The following OR9Q1 variants were observed in gnomAD, a reference collection of about 807,000 sequenced individuals.
OR9Q1 encodes olfactory receptor 9Q1.
For missense variants in OR9Q1, 374 were observed against 378.8 expected (o/e 0.99, Z 0.11); for synonymous variants, 153 against 148.6 (o/e 1.03, Z -0.22).
intron 2 of OR9Q1, among the ~76,000 whole-genome samples, chr11:58,084,350 T>C (rs1853615544): frequency 6.6e-6 from 1 of 151,912 alleles, no homozygotes. Context: ...TTAGCATTTG[T>C]ACATCTTTAG....
intron 2 of OR9Q1, among the ~76,000 whole-genome samples, chr11:58,056,658 G>A (rs767479846): frequency 7.9e-5 from 12 of 152,178 alleles, no homozygotes; most frequent in Non-Finnish European, 1.3e-4. Flanking sequence ...GATAGAGGCT[G>A]CATGGTTTGA....
intron 2 of OR9Q1, among the ~76,000 whole-genome samples, chr11:58,155,336 G>A (rs1381371264): frequency 1.3e-5 from 2 of 151,834 alleles, no homozygotes; most frequent in Non-Finnish European, 2.9e-5. Context: ...AAAATACCTT[G>A]ACGGCAATAC....
At chr11:58,043,203 C>T (rs551359078) in intron 1 of OR9Q1, among the ~76,000 whole-genome samples, 4 of 152,246 alleles carry the variant, frequency 2.6e-5, no homozygotes, top group Middle Eastern at 6.8e-3. Flanking sequence ...TTTGTGTCAT[C>T]CTCTCTTCAG....
At chr11:58,088,130 C>G (rs112062497) in intron 2 of OR9Q1, among the ~76,000 whole-genome samples, 1 of 151,722 alleles carries the variant, frequency 6.6e-6, no homozygotes, top group African/African-American at 2.4e-5. Flanking sequence ...CATGAGCCAC[C>G]GCACCCGGCC....
intron 2 of OR9Q1, among the ~76,000 whole-genome samples, chr11:58,061,548 G>C (rs1177316367): frequency 6.6e-6 from 1 of 152,232 alleles, no homozygotes; most frequent in Non-Finnish European, 1.5e-5. Context: ...GCGTTTGTAA[G>C]ATCCAGGTTT....
intron 2 of OR9Q1, among the ~76,000 whole-genome samples, chr11:58,075,977 C>A (rs1853535382): frequency 6.6e-6 from 1 of 152,202 alleles, no homozygotes; most frequent in South Asian, 2.1e-4. Context: ...ATCTAGCCTG[C>A]TGCCTGTTAT....
rs529952590 is a variant in OR9Q1, at chr11:58,089,046, T to A, written c.-15+33099T>A. Among the ~76,000 whole-genome samples, 132 of 151,782 alleles carry A rather than the reference T, an allele frequency of 8.7e-4. 1 individual carries two copies. In the South Asian group the frequency reaches 0.026, roughly 30 times the overall value. On this transcript the variant is annotated intron_variant, in intron 2 of 2. Coordinates refer to ENST00000335397, the MANE Select transcript of OR9Q1 (RefSeq NM_001005212.4). ...TGCCCGTCACCAGGCCCAGCTAATT[T>A]TTTTTATTTTTAGTAGAGATGGGGT...
In OR9Q1 at chr11:58,179,600, T is replaced by A; in HGVS notation, c.156T>A (p.Asp52Glu). ...AGATGATTATTCTGATCCTCATGGATCACCAGCTCCACGCTCCAATGTATT... is the reference window on the plus strand; with the variant it reads ...AGATGATTATTCTGATCCTCATGGAACACCAGCTCCACGCTCCAATGTATT... ...NLEMIILILM[D>E]HQLHAPMYFL... Residue 52 changes from aspartate (D) to glutamate (E), a missense_variant, in exon 3 of 3, where the codon GAT becomes GAA. Physicochemically the swap from Asp to Glu is conservative, Grantham distance 45. Transcript: ENST00000335397. 6.2e-7 allele frequency: 1 copy of A among 1,613,630 alleles called. No homozygotes were observed. The highest frequency in any genetic ancestry group is 8.5e-7 in the Non-Finnish European group (1 of 1,179,710).
intron 1 of OR9Q1, among the ~76,000 whole-genome samples, chr11:58,024,801 C>G (rs956471672): frequency 6.6e-6 from 1 of 152,156 alleles, no homozygotes; most frequent in African/African-American, 2.4e-5. Context: ...CTCACTGGAG[C>G]CTGTGGGATA....
chr11:58,047,864 CAGAG>C (rs1390388305), intron 1 of OR9Q1, among the ~76,000 whole-genome samples: 3 of 152,162 alleles, frequency 2.0e-5, no homozygotes, highest in Non-Finnish European at 4.4e-5. Context: ...AGCCTGGTGA[CAGAG>C]AGAGACTCCG....
At chr11:58,071,638 A>T (rs1853488861) in intron 2 of OR9Q1, among the ~76,000 whole-genome samples, 1 of 152,212 alleles carries the variant, frequency 6.6e-6, no homozygotes, top group South Asian at 2.1e-4. Context: ...GAAATGACCA[A>T]GGGCTGTGGA....
intron 2 of OR9Q1, among the ~76,000 whole-genome samples, chr11:58,075,079 G>T (rs1397607754): frequency 6.6e-6 from 1 of 152,064 alleles, no homozygotes; most frequent in African/African-American, 2.4e-5. Flanking sequence ...AGATTGTCTT[G>T]GCTCTACGGG....
intron 2 of OR9Q1, among the ~76,000 whole-genome samples, chr11:58,100,086 A>C (rs1044258039): frequency 3.9e-5 from 6 of 152,204 alleles, no homozygotes; most frequent in Non-Finnish European, 8.8e-5. Flanking sequence ...TGGCTCTCCC[A>C]CGCCAGGTAG....
At chr11:58,094,572 G>A (rs904464133) in intron 2 of OR9Q1, among the ~76,000 whole-genome samples, 3 of 152,024 alleles carry the variant, frequency 2.0e-5, no homozygotes, top group African/African-American at 7.3e-5. Flanking sequence ...ACTTTACTTT[G>A]AATTGAATGC....
intron 2 of OR9Q1, among the ~76,000 whole-genome samples, chr11:58,091,214 T>C (rs1250089085): frequency 1.3e-5 from 2 of 152,222 alleles, no homozygotes; most frequent in East Asian, 1.9e-4. Flanking sequence ...CTTGCTTCTC[T>C]AGTTCTTTTA....
rs774682083 is a variant in OR9Q1 at position 58,158,877 on chromosome 11, T to A, written c.-14-20554T>A. 5.9e-5 allele frequency among the ~76,000 whole-genome samples: 9 copies of A among 152,212 alleles called. No individual in the cohort carries two copies. In the South Asian group the frequency reaches 1.9e-3, roughly 32 times the overall value. On this transcript the variant is annotated intron_variant, in intron 2 of 2. Coordinates refer to ENST00000335397, the MANE Select transcript of OR9Q1 (RefSeq NM_001005212.4). ...CTTCAGGCATAGAGAAATATGAGGC[T>A]AATGTGCAGAGAGAAGCAGAAATGA...
At chr11:58,165,107 C>T (rs12294535) in intron 2 of OR9Q1, among the ~76,000 whole-genome samples, 2,932 of 152,316 alleles carry the variant, frequency 0.019, 110 homozygotes, top group African/African-American at 0.067. Context: ...TTCTGTCACT[C>T]CACAAGAATG....
chr11:58,082,351 G>GTTAGACTGGATTAAGAAAA (rs1389067229), intron 2 of OR9Q1, among the ~76,000 whole-genome samples: 3 of 152,208 alleles, frequency 2.0e-5, no homozygotes, highest in Middle Eastern at 3.4e-3. Flanking sequence ...CAACCCAAAT[G>GTTAGACTGGATTAAGAAAA]TCCAACAATG....
At chr11:58,148,381 G>A (rs912667532) in intron 2 of OR9Q1, among the ~76,000 whole-genome samples, 2 of 152,078 alleles carry the variant, frequency 1.3e-5, no homozygotes, top group Non-Finnish European at 2.9e-5. Context: ...CTTCAGATAA[G>A]AGCAAAAACA....
Sources: gnomAD v4.1 joint callset for allele counts (sites outside exome capture counted in the v4.1 genomes callset) on GRCh38, gnomAD v4.1.1 for gene constraint, MANE v1.5 for transcripts, NCBI Gene and HGNC (gene_info 2026-07-23, HGNC 2026-07-21) for gene names.